The following MDGA2 variants were observed in gnomAD, a reference collection of about 807,000 sequenced individuals.
MDGA2 encodes the protein MAM domain containing glycosylphosphatidylinositol anchor 2.
MDGA2 carries 40 observed loss-of-function variants against 117.8 expected under a neutral mutation model. The ratio of observed to expected loss-of-function variants is 0.34; its 90% CI spans 0.26 to 0.44. The LOEUF (loss-of-function observed/expected upper bound fraction) is 0.44, where lower values mean the gene tolerates loss of function less well. MDGA2 is among the 20% of genes least tolerant of loss of function. The pLI is 1.00. For synonymous variants in MDGA2, 452 were observed against 439.0 expected (o/e 1.03, Z -0.37); for missense variants, 1,123 against 1,250.6 (o/e 0.90, Z 1.54).
At chr14:47,159,038 G>C (rs1883524941) in intron 3 of MDGA2, among the ~76,000 whole-genome samples, 1 of 152,170 alleles carries the variant, frequency 6.6e-6, no homozygotes, top group Non-Finnish European at 1.5e-5. Flanking sequence ...ACATTTGTAG[G>C]GAAGGAGGGA....
intron 1 of MDGA2, among the ~76,000 whole-genome samples, chr14:47,323,145 C>T (rs1318285160): frequency 2.7e-5 from 2 of 73,942 alleles, no homozygotes; most frequent in Admixed American, 1.4e-4. Context: ...AAAAAAGAGT[C>T]ATGGATATAT....
At chr14:47,070,736 G>A (rs1360243895) in intron 6 of MDGA2, among the ~76,000 whole-genome samples, 2 of 152,156 alleles carry the variant, frequency 1.3e-5, no homozygotes, top group African/African-American at 4.8e-5. Flanking sequence ...TTCCCAAGTA[G>A]CTGAGACTAC....
intron 7 of MDGA2, among the ~76,000 whole-genome samples, chr14:47,046,771 C>A (rs971019539): frequency 8.5e-5 from 13 of 152,056 alleles, no homozygotes; most frequent in African/African-American, 2.9e-4. Context: ...GATCCTATAG[C>A]TAAAAAGCCA....
chr14:46,872,677 A>C (rs1248735809), intron 14 of MDGA2, among the ~76,000 whole-genome samples: 1 of 152,038 alleles, frequency 6.6e-6, no homozygotes, highest in African/African-American at 2.4e-5. Flanking sequence ...ACATAGGTTC[A>C]TATCAGTTCA....
chr14:47,091,014 T>C (rs954641665), intron 6 of MDGA2, among the ~76,000 whole-genome samples: 2 of 152,178 alleles, frequency 1.3e-5, no homozygotes, highest in African/African-American at 4.8e-5. Context: ...ATGATTATTA[T>C]TGTTATAAGC....
At chr14:46,881,039 CACAA>C (rs1882437405) in intron 11 of MDGA2, among the ~76,000 whole-genome samples, 2 of 148,554 alleles carry the variant, frequency 1.3e-5, no homozygotes, top group African/African-American at 5.2e-5. Flanking sequence ...CACACACACA[CACAA>C]ACATTTAGCA....
At chr14:46,862,898 G>A (rs1292195874) in intron 14 of MDGA2, among the ~76,000 whole-genome samples, 1 of 151,822 alleles carries the variant, frequency 6.6e-6, no homozygotes, top group Non-Finnish European at 1.5e-5. Flanking sequence ...ACATATAATT[G>A]CAGTGCTATC....
chr14:47,156,629 A>T (rs907419615), intron 3 of MDGA2, among the ~76,000 whole-genome samples: 1 of 152,334 alleles, frequency 6.6e-6, no homozygotes, highest in East Asian at 1.9e-4. Flanking sequence ...ACAGGAGTTT[A>T]TTCCACCATT....
chr14:47,466,325 T>TA lies in MDGA2; in HGVS notation c.281-164776dup, dbSNP rs997696799. On this transcript the variant is annotated intron_variant, in intron 1 of 16. Coordinates refer to ENST00000399232, the MANE Select transcript of MDGA2 (RefSeq NM_001113498.3). ...AGGACCCCCACACGGAATATAAAAG[T>TA]AAAAAAAAAATTGGATTAGGAACAA... 9.9e-4 allele frequency among the ~76,000 whole-genome samples: 147 copies of TA among 148,924 alleles called. 1 individual carries two copies. Among genetic ancestry groups the TA allele is most frequent in the South Asian group, 5.8e-3 (27 of 4,694 alleles).
chr14:47,578,082 G>A (rs1468800934), intron 1 of MDGA2, among the ~76,000 whole-genome samples: 1 of 152,190 alleles, frequency 6.6e-6, no homozygotes, highest in Non-Finnish European at 1.5e-5. Context: ...GGAATACTAT[G>A]CAGCCATAAA....
intron 6 of MDGA2, among the ~76,000 whole-genome samples, chr14:47,072,103 G>GC (rs201943918): frequency 4.6e-5 from 6 of 129,206 alleles, no homozygotes; most frequent in Non-Finnish European, 8.1e-5. Context: ...TTGTTGTTTG[G>GC]GGGGGGGGGG....
chr14:47,102,690 C>T (rs939906895), intron 5 of MDGA2, among the ~76,000 whole-genome samples: 2 of 152,170 alleles, frequency 1.3e-5, no homozygotes, highest in South Asian at 4.1e-4. Context: ...AGCTCTCTAT[C>T]TAAAGAACAA....
chr14:47,555,122 C>CA lies in MDGA2; in HGVS notation c.280+119394dup, dbSNP rs755788353. Reference sequence around the variant, plus strand: ...TCCTATTGTGTGTGTTCTCACTGACCAAAAAAAAAGCATTACCAATGCTTT... The same window carrying CA: ...TCCTATTGTGTGTGTTCTCACTGACCAAAAAAAAAAGCATTACCAATGCTTT... On this transcript the variant is annotated intron_variant, in intron 1 of 16. Coordinates refer to ENST00000399232, the MANE Select transcript of MDGA2 (RefSeq NM_001113498.3). Among the ~76,000 whole-genome samples, 153 of 149,874 alleles carry CA rather than the reference C, an allele frequency of 1.0e-3. 1 individual carries two copies. The highest frequency in any genetic ancestry group is 3.0e-4 in the Non-Finnish European group (20 of 67,310).
intron 2 of MDGA2, among the ~76,000 whole-genome samples, chr14:47,287,375 C>G (rs1460921954): frequency 6.6e-6 from 1 of 152,020 alleles, no homozygotes; most frequent in East Asian, 1.9e-4. Context: ...ATGATGCATA[C>G]CAGTCATATT....
At chr14:47,165,235 GTACT>G (rs1351340775) in intron 3 of MDGA2, among the ~76,000 whole-genome samples, 1 of 151,878 alleles carries the variant, frequency 6.6e-6, no homozygotes, top group African/African-American at 2.4e-5. Context: ...ATGTACCCTA[GTACT>G]TAAAGTATAA....
chr14:47,402,393 T>G (rs1015912051), intron 1 of MDGA2, among the ~76,000 whole-genome samples: 2 of 126,788 alleles, frequency 1.6e-5, no homozygotes, highest in Admixed American at 1.7e-4. Context: ...AGAAAAGCCA[T>G]AAAGCCATGA....
intron 3 of MDGA2, among the ~76,000 whole-genome samples, chr14:47,176,732 C>G (rs994889511): frequency 6.6e-6 from 1 of 152,090 alleles, no homozygotes; most frequent in Non-Finnish European, 1.5e-5. Flanking sequence ...ATTCAGGACA[C>G]AGGCATGGGC....
At chr14:47,299,898 G>A (rs1018425713) in intron 2 of MDGA2, among the ~76,000 whole-genome samples, 16 of 151,998 alleles carry the variant, frequency 1.1e-4, no homozygotes, top group African/African-American at 1.5e-4. Context: ...TTTAGTTATC[G>A]TGAGTTTTCC....
intron 6 of MDGA2, among the ~76,000 whole-genome samples, chr14:47,072,941 G>A (rs577168281): frequency 2.6e-5 from 4 of 152,140 alleles, no homozygotes; most frequent in South Asian, 2.1e-4. Context: ...TTATTTAAAC[G>A]TAACTCCCAT....
Sources: gnomAD v4.1 joint callset for allele counts (sites outside exome capture counted in the v4.1 genomes callset) on GRCh38, gnomAD v4.1.1 for gene constraint, MANE v1.5 for transcripts, NCBI Gene and HGNC (gene_info 2026-07-23, HGNC 2026-07-21) for gene names.